The following DCDC1 variants were observed in gnomAD, a reference collection of about 807,000 sequenced individuals.
The protein encoded by DCDC1 is doublecortin domain containing 1, also known as doublecortin domain-containing protein 1.
DCDC1 carries 200 observed loss-of-function variants against 178.3 expected under a neutral mutation model. The ratio of observed to expected loss-of-function variants is 1.12; its 90% CI spans 1.00 to 1.26. DCDC1 has a LOEUF of 1.26. Ranked by LOEUF, DCDC1 falls within the 50% of genes most tolerant of loss-of-function variation. The pLI is 0.00. For missense variants in DCDC1, 1,983 were observed against 1,749.2 expected, an observed-to-expected ratio of 1.13 and a Z score of -2.38; for synonymous variants, 690 against 604.8, an observed-to-expected ratio of 1.14 and a Z score of -2.07.
Position 31,121,819 on chromosome 11 carries a change from C to T in DCDC1, c.1485+5650G>A, listed in dbSNP as rs372148870. ...AATGAAGTTTAGAAAGATAATCATC[C>T]CCATTTATTTTTTGTCAAATACTTT... On this transcript the variant is annotated intron_variant, in intron 11 of 38. Transcript: ENST00000684477. 4.8e-4 allele frequency among the ~76,000 whole-genome samples: 73 copies of T among 151,900 alleles called. 1 individual carries two copies. In the South Asian group the frequency reaches 8.8e-3, roughly 18 times the overall value.
chr11:31,213,232 C>A (rs752425644), intron 9 of DCDC1, among the ~76,000 whole-genome samples: 2 of 149,430 alleles, frequency 1.3e-5, no homozygotes, highest in South Asian at 4.2e-4. Context: ...CACTTCACCC[C>A]AGTCTGGTTG....
chr11:30,921,438 A>T (rs926443928), intron 24 of DCDC1, among the ~76,000 whole-genome samples: 8 of 152,180 alleles, frequency 5.3e-5, no homozygotes, highest in African/African-American at 1.9e-4. Flanking sequence ...GATCATGAGG[A>T]AATTAGAACT....
intron 21 of DCDC1, among the ~76,000 whole-genome samples, chr11:30,939,931 AT>A (rs1336055926): frequency 6.6e-6 from 1 of 152,012 alleles, no homozygotes; most frequent in East Asian, 1.9e-4. Flanking sequence ...TACTGATTCT[AT>A]TTTTTCTATG....
In DCDC1 at chr11:30,889,307, G is replaced by A. The variant is rs1018525283; in HGVS notation, c.5082+3511C>T. On this transcript the variant is annotated intron_variant, in intron 36 of 38. Transcript: ENST00000684477. ...TAAGTCTAGCAATGTTCAAAGAGTG[G>A]GTGGGAAGAACATGGCTAAATCATC... Among the ~76,000 whole-genome samples the A allele has an allele frequency of 2.6e-5, 4 of 152,280 alleles. No individual in the cohort carries two copies. In the South Asian group the frequency reaches 8.3e-4, roughly 32 times the overall value.
chr11:30,874,267 C>A (rs1941913575), intron 38 of DCDC1, among the ~76,000 whole-genome samples: 1 of 152,152 alleles, frequency 6.6e-6, no homozygotes, highest in Non-Finnish European at 1.5e-5. Flanking sequence ...ATGCAGATTC[C>A]TTATACCTTA....
rs574828165 is a variant in DCDC1, at chr11:31,159,767, C to T, written c.1222-21983G>A. 2.9e-4 allele frequency among the ~76,000 whole-genome samples: 44 copies of T among 152,220 alleles called. 1 individual carries two copies. Among genetic ancestry groups the T allele is most frequent in the Non-Finnish European group, 5.4e-4 (37 of 67,990 alleles). Reference sequence around the variant, plus strand: ...GGGATTAACAAAGTATTAATGATATCCCCTTCCACCAAAAAAAGAAAAAAA... The same window carrying T: ...GGGATTAACAAAGTATTAATGATATTCCCTTCCACCAAAAAAAGAAAAAAA... On this transcript the variant is annotated intron_variant, in intron 9 of 38. Transcript: ENST00000684477.
chr11:31,052,271 T>C (rs368873185), intron 20 of DCDC1, among the ~76,000 whole-genome samples: 1 of 152,180 alleles, frequency 6.6e-6, no homozygotes, highest in East Asian at 1.9e-4. Context: ...CATTATATAA[T>C]GGTAAAAGGC....
intron 21 of DCDC1, among the ~76,000 whole-genome samples, chr11:30,948,692 A>T (rs570672478): frequency 6.6e-6 from 1 of 152,322 alleles, no homozygotes; most frequent in South Asian, 2.1e-4. Context: ...GGCCTCAGAA[A>T]TAACACCACA....
intron 27 of DCDC1, 107 bp downstream of exon 27, chr11:30,915,404 A>C (rs776513309): frequency 4.2e-6 from 5 of 1,187,300 alleles, no homozygotes; most frequent in Non-Finnish European, 6.0e-6. Context: ...TAAATAGAAG[A>C]CCCAGAATTC....
chr11:31,299,971 C>T (rs1947978898), intron 6 of DCDC1, among the ~76,000 whole-genome samples: 1 of 152,124 alleles, frequency 6.6e-6, no homozygotes, highest in Non-Finnish European at 1.5e-5. Context: ...AATTCTCCTG[C>T]CTCAGCCTTC....
chr11:31,106,703 T>A (rs1958871876), intron 13 of DCDC1, 94 bp downstream of exon 13: 2 of 711,156 alleles, frequency 2.8e-6, no homozygotes, highest in African/African-American at 3.6e-5. Flanking sequence ...TAAAAAATGT[T>A]TCATGAAGGG....
chr11:30,991,901 TCAA>T, intron 20 of DCDC1, among the ~76,000 whole-genome samples: 1 of 152,188 alleles, frequency 6.6e-6, no homozygotes, highest in South Asian at 2.1e-4. Flanking sequence ...AAATGAAGGA[TCAA>T]AGTAAAACAA....
chr11:31,073,246 T>C (rs564183296), intron 18 of DCDC1, among the ~76,000 whole-genome samples: 1 of 152,152 alleles, frequency 6.6e-6, no homozygotes, highest in Admixed American at 6.6e-5. Flanking sequence ...AAATAATTTG[T>C]GTTTGAAGCA....
chr11:31,169,492 C>G (rs192758921), intron 9 of DCDC1, among the ~76,000 whole-genome samples: 11 of 152,204 alleles, frequency 7.2e-5, no homozygotes, highest in African/African-American at 2.4e-4. Context: ...TTAGTCAGAA[C>G]AAGGCTCTTT....
rs182490971 is a variant in DCDC1, at chr11:31,117,816, A to G, written c.1486-7455T>C. Among the ~76,000 whole-genome samples, 10 of 152,218 alleles carry G rather than the reference A, an allele frequency of 6.6e-5. No homozygotes were observed. The East Asian group carries it at 1.2e-3, about 18-fold the overall frequency. ...GGCAAAGGAAATTTGCTTGCGTGTC[A>G]TGTCCTAAGCCAAGTAATTTCAAAA... is the stretch of plus-strand genomic sequence containing the variant. On this transcript the variant is annotated intron_variant, in intron 11 of 38. Coordinates refer to ENST00000684477, the MANE Select transcript of DCDC1 (RefSeq NM_001387274.1).
At chr11:30,906,416 G>T (rs1945064528) in intron 30 of DCDC1, 124 bp downstream of exon 30, 5 of 936,628 alleles carry the variant, frequency 5.3e-6, no homozygotes, top group South Asian at 3.8e-5. Flanking sequence ...AATGGTAAAG[G>T]TGCATCTGAG....
chr11:30,875,115 T>G (rs1453527413), intron 38 of DCDC1, among the ~76,000 whole-genome samples: 1 of 152,188 alleles, frequency 6.6e-6, no homozygotes, highest in Non-Finnish European at 1.5e-5. Context: ...TAGAAAATGT[T>G]ATAGCTGCCA....
At chr11:31,211,879 G>A (rs913822579) in intron 9 of DCDC1, among the ~76,000 whole-genome samples, 26 of 151,986 alleles carry the variant, frequency 1.7e-4, no homozygotes, top group African/African-American at 6.0e-4. Flanking sequence ...TCAGGAGATC[G>A]AGACCATCCT....
At chr11:30,918,594 A>G (rs1371036237) in intron 25 of DCDC1, among the ~76,000 whole-genome samples, 1 of 152,188 alleles carries the variant, frequency 6.6e-6, no homozygotes, top group Non-Finnish European at 1.5e-5. Context: ...TGAGACAAAG[A>G]CAATAGAAAG....
Sources: allele counts gnomAD v4.1 joint callset (sites outside exome capture counted in the v4.1 genomes callset), GRCh38; gene constraint gnomAD v4.1.1; transcripts MANE v1.5; gene names NCBI Gene and HGNC (gene_info 2026-07-23, HGNC 2026-07-21).